The following PCDH15 variants were observed in gnomAD, a reference collection of about 807,000 sequenced individuals.
PCDH15 encodes protocadherin related 15.
A neutral mutation model predicts 178.5 loss-of-function variants in PCDH15; 129 were observed. That is an observed-to-expected ratio of 0.72 (90% CI 0.63 to 0.84). The LOEUF (loss-of-function observed/expected upper bound fraction) is 0.84. Ranked by LOEUF, PCDH15 falls within the 40% of genes least tolerant of loss-of-function variation. The pLI is 0.00. For missense variants in PCDH15, 2,230 were observed against 2,099.9 expected (o/e 1.06, Z -1.21); for synonymous variants, 800 against 732.0 (o/e 1.09, Z -1.50).
chr10:54,311,479 T>G (rs1160124180), intron 8 of PCDH15, among the ~76,000 whole-genome samples: 2 of 152,148 alleles, frequency 1.3e-5, no homozygotes, highest in Non-Finnish European at 2.9e-5. Flanking sequence ...TTTTTCATAA[T>G]ACCAGAAAAC....
At chr10:54,094,462 G>A (rs1474010397) in intron 15 of PCDH15, among the ~76,000 whole-genome samples, 1 of 152,088 alleles carries the variant, frequency 6.6e-6, no homozygotes, top group Non-Finnish European at 1.5e-5. Context: ...AGTAAGTCAC[G>A]TGGGGAAGAA....
At chr10:54,257,947 G>T (rs760777628) in intron 8 of PCDH15, among the ~76,000 whole-genome samples, 1 of 151,946 alleles carries the variant, frequency 6.6e-6, no homozygotes, top group Non-Finnish European at 1.5e-5. Flanking sequence ...CATGGGGCAC[G>T]GCCCAGTACA....
intron 1 of PCDH15, among the ~76,000 whole-genome samples, chr10:54,783,796 A>T (rs1950588808): frequency 1.3e-5 from 2 of 152,192 alleles, no homozygotes; most frequent in Non-Finnish European, 2.9e-5. Flanking sequence ...CATATTGGGT[A>T]CAATCTTCAC....
At chr10:54,594,028 G>A (rs989921058) in intron 2 of PCDH15, among the ~76,000 whole-genome samples, 7 of 152,108 alleles carry the variant, frequency 4.6e-5, no homozygotes, top group African/African-American at 1.7e-4. Context: ...GGGAGATGAA[G>A]CTGGGAATGC....
chr10:53,966,761 T>G (rs1450949819), intron 21 of PCDH15, among the ~76,000 whole-genome samples: 2 of 151,908 alleles, frequency 1.3e-5, no homozygotes, highest in Non-Finnish European at 2.9e-5. Context: ...ATAATAGATA[T>G]GATCGAAGTA....
chr10:54,841,262 G>A (rs1953412535), intron 3 of PCDH15, among the ~76,000 whole-genome samples: 1 of 151,646 alleles, frequency 6.6e-6, no homozygotes. Flanking sequence ...ACAAAAGGAG[G>A]AAAACTGGAA....
chr10:54,945,288 GAA>G (rs1225351076), intron 2 of PCDH15, among the ~76,000 whole-genome samples: 1 of 151,342 alleles, frequency 6.6e-6, no homozygotes, highest in African/African-American at 2.4e-5. Flanking sequence ...ATTGTTCTTA[GAA>G]TCTTAAGAGA....
rs1591404464 is a variant in PCDH15 at position 54,247,853 on chromosome 10, G to A, written c.877-10922C>T. On this transcript the variant is annotated intron_variant, in intron 8 of 37. Coordinates refer to ENST00000644397, the MANE Select transcript of PCDH15 (RefSeq NM_001384140.1). ...ACTGCACTCCAGCCTGGGTGACAGA[G>A]CAAGACTCTTTCTCAAAAAAAAAAA... Among the ~76,000 whole-genome samples, 3 of 147,270 alleles carry A rather than the reference G, an allele frequency of 2.0e-5. No homozygotes were observed. In the South Asian group the frequency reaches 6.4e-4, roughly 31 times the overall value.
At chr10:55,365,792 C>G (rs1440266033) in intron 2 of PCDH15, among the ~76,000 whole-genome samples, 1 of 152,096 alleles carries the variant, frequency 6.6e-6, no homozygotes, top group Non-Finnish European at 1.5e-5. Context: ...CCAACAAACT[C>G]TTTCTTTTGT....
chr10:53,996,357 T>C (rs1417378190), intron 20 of PCDH15, among the ~76,000 whole-genome samples: 1 of 152,078 alleles, frequency 6.6e-6, no homozygotes, highest in Non-Finnish European at 1.5e-5. Context: ...ATTTACTGAA[T>C]TTTTTTCAGA....
intron 2 of PCDH15, among the ~76,000 whole-genome samples, chr10:55,533,691 T>C (rs1006246716): frequency 6.6e-6 from 1 of 151,884 alleles, no homozygotes; most frequent in African/African-American, 2.4e-5. Flanking sequence ...TCTATTAAAC[T>C]ACCAACTTAA....
chr10:54,898,181 A>G (rs1954578476), intron 2 of PCDH15, among the ~76,000 whole-genome samples: 2 of 152,170 alleles, frequency 1.3e-5, no homozygotes. Context: ...CAGAACCATG[A>G]GCCAATTAAA....
At chr10:53,924,698 C>T (rs1457011741) in intron 25 of PCDH15, among the ~76,000 whole-genome samples, 1 of 152,186 alleles carries the variant, frequency 6.6e-6, no homozygotes, top group African/African-American at 2.4e-5. Flanking sequence ...TGTAAATACA[C>T]TAATCAGCAC....
intron 2 of PCDH15, among the ~76,000 whole-genome samples, chr10:55,526,981 G>A (rs1314973404): frequency 2.0e-5 from 3 of 152,008 alleles, no homozygotes; most frequent in South Asian, 4.1e-4. Flanking sequence ...TTTTTATTAT[G>A]TATAAAGAAG....
chr10:54,752,486 A>C (rs1206959930), intron 1 of PCDH15, among the ~76,000 whole-genome samples: 1 of 92,760 alleles, frequency 1.1e-5, no homozygotes, highest in African/African-American at 3.7e-5. Flanking sequence ...CAAAAAAAAA[A>C]AAAAACAAAA....
At chr10:54,449,053 C>T (rs2076310306) in intron 3 of PCDH15, among the ~76,000 whole-genome samples, 1 of 151,642 alleles carries the variant, frequency 6.6e-6, no homozygotes. Flanking sequence ...AGTAAGAAAA[C>T]TCAGAGTCTC....
At chr10:54,213,790 C>T in intron 10 of PCDH15, 146 bp downstream of exon 10, 1 of 563,232 alleles carries the variant, frequency 1.8e-6, no homozygotes. Context: ...GTGGGCTTCG[C>T]TTATTTTCTT....
At chr10:55,483,324 C>T (rs528193659) in intron 2 of PCDH15, among the ~76,000 whole-genome samples, 3 of 151,734 alleles carry the variant, frequency 2.0e-5, no homozygotes, top group African/African-American at 7.2e-5. Flanking sequence ...CATAAACAGA[C>T]TCTTCAAAAG....
intron 2 of PCDH15, among the ~76,000 whole-genome samples, chr10:54,943,125 T>C (rs1838104870): frequency 6.6e-6 from 1 of 152,036 alleles, no homozygotes. Context: ...TTCTGTATGT[T>C]AGAAGTCAAA....
Sources: allele counts gnomAD v4.1 joint callset (sites outside exome capture counted in the v4.1 genomes callset), GRCh38; gene constraint gnomAD v4.1.1; transcripts MANE v1.5; gene names NCBI Gene and HGNC (gene_info 2026-07-23, HGNC 2026-07-21).